The following CNTN5 variants were observed in gnomAD, a reference collection of about 807,000 sequenced individuals.
CNTN5 encodes the protein contactin 5.
A neutral mutation model predicts 129.1 loss-of-function variants in CNTN5; 77 were observed. The observed-to-expected ratio is 0.60, with a 90% CI of 0.50 to 0.72. CNTN5 has a LOEUF of 0.72. CNTN5 is among the 30% of genes least tolerant of loss of function. The probability of loss-of-function intolerance (pLI) is 0.00; values close to 1 mark genes in which losing one functional copy is unlikely to be tolerated. For missense variants in CNTN5, 1,478 were observed against 1,328.8 expected (o/e 1.11, Z -1.75); for synonymous variants, 509 against 465.6 (o/e 1.09, Z -1.20).
intron 3 of CNTN5, among the ~76,000 whole-genome samples, chr11:99,664,450 C>G (rs752849306): frequency 1.3e-5 from 2 of 152,072 alleles, no homozygotes; most frequent in Non-Finnish European, 2.9e-5. Flanking sequence ...GCTTTAGGGG[C>G]AAGGGTGCAA....
intron 2 of CNTN5, among the ~76,000 whole-genome samples, chr11:99,350,429 C>T (rs1467220625): frequency 6.6e-6 from 1 of 152,064 alleles, no homozygotes; most frequent in Non-Finnish European, 1.5e-5. Flanking sequence ...TATAGATATG[C>T]ACTGTGAACC....
At chr11:99,416,729 G>C (rs1335236355) in intron 2 of CNTN5, among the ~76,000 whole-genome samples, 3 of 152,264 alleles carry the variant, frequency 2.0e-5, no homozygotes, top group South Asian at 4.1e-4. Flanking sequence ...AACAGAGAAG[G>C]GGCTGTCTGC....
chr11:100,079,704 G>A (rs1944285750), intron 13 of CNTN5, among the ~76,000 whole-genome samples: 1 of 151,664 alleles, frequency 6.6e-6, no homozygotes, highest in Admixed American at 6.6e-5. Context: ...TTTCACTTTT[G>A]AAGATTACTG....
At chr11:99,756,835 G>A (rs1451162189) in intron 3 of CNTN5, among the ~76,000 whole-genome samples, 1 of 151,298 alleles carries the variant, frequency 6.6e-6, no homozygotes, top group African/African-American at 2.4e-5. Flanking sequence ...TTTAAGCCAT[G>A]TATTATATAA....
intron 3 of CNTN5, among the ~76,000 whole-genome samples, chr11:99,743,989 T>G (rs985365984): frequency 6.6e-6 from 1 of 152,092 alleles, no homozygotes; most frequent in Non-Finnish European, 1.5e-5. Flanking sequence ...ACCCTGACTT[T>G]TGTACCCCCA....
chr11:99,938,847 A>C (rs1374509208), intron 7 of CNTN5, among the ~76,000 whole-genome samples: 1 of 152,138 alleles, frequency 6.6e-6, no homozygotes, highest in African/African-American at 2.4e-5. Flanking sequence ...AGTCTAGGTG[A>C]TAGAAATAAT....
chr11:99,682,467 A>T (rs907588595), intron 3 of CNTN5, among the ~76,000 whole-genome samples: 17 of 152,004 alleles, frequency 1.1e-4, no homozygotes, highest in African/African-American at 3.1e-4. Flanking sequence ...TAAACTATAA[A>T]TACAAAAATA....
intron 2 of CNTN5, among the ~76,000 whole-genome samples, chr11:99,529,700 A>T (rs1485769353): frequency 1.3e-5 from 2 of 152,204 alleles, no homozygotes; most frequent in Non-Finnish European, 2.9e-5. Flanking sequence ...GAAATGCAAG[A>T]ACTCAGGTGA....
chr11:99,572,420 A>T (rs1199332569), intron 3 of CNTN5, among the ~76,000 whole-genome samples: 1 of 152,246 alleles, frequency 6.6e-6, no homozygotes, highest in Non-Finnish European at 1.5e-5. Context: ...CTGAAAGAAC[A>T]AACCGGTAGA....
chr11:99,844,625 A>G, intron 4 of CNTN5: 1 of 510,720 alleles, frequency 2.0e-6, no homozygotes, highest in South Asian at 2.0e-5. Context: ...TTTGTTTTTT[A>G]TGTATTACAC....
intron 6 of CNTN5, among the ~76,000 whole-genome samples, chr11:99,907,321 A>G (rs141117562): frequency 2.6e-5 from 4 of 152,014 alleles, no homozygotes; most frequent in Non-Finnish European, 4.4e-5. Flanking sequence ...GAATTCATAC[A>G]ATATAGAAGA....
chr11:99,737,149 A>G (rs1943737813), intron 3 of CNTN5, among the ~76,000 whole-genome samples: 1 of 149,940 alleles, frequency 6.7e-6, no homozygotes, highest in Admixed American at 6.6e-5. Flanking sequence ...ACACAAACAC[A>G]CACACACACA....
At position 99,523,047 on chromosome 11, in the gene CNTN5, C is replaced by T. The variant is rs145058647; in HGVS notation, c.-70-33098C>T. On this transcript the variant is annotated intron_variant, in intron 2 of 24. Transcript: ENST00000524871. The stretch of plus-strand genomic sequence containing the variant: ...GTTTATTATTATTTCACATTATGTT[C>T]CAGCAATACCAAGCCATAGGCAATT... Among the ~76,000 whole-genome samples the T allele has an allele frequency of 8.1e-4, 124 of 152,268 alleles. 1 individual carries two copies. Among genetic ancestry groups the T allele is most frequent in the African/African-American group, 3.0e-3 (124 of 41,554 alleles).
intron 1 of CNTN5, among the ~76,000 whole-genome samples, chr11:99,272,650 G>A (rs988951841): frequency 1.3e-4 from 19 of 151,376 alleles, no homozygotes; most frequent in Admixed American, 4.6e-4. Context: ...TGGGAACTAT[G>A]GTGAAATGCA....
intron 8 of CNTN5, among the ~76,000 whole-genome samples, chr11:99,967,497 G>A (rs950249385): frequency 1.1e-4 from 16 of 152,104 alleles, no homozygotes; most frequent in Admixed American, 3.3e-4. Flanking sequence ...CTGTAACCGC[G>A]CACTCTGGGA....
intron 3 of CNTN5, among the ~76,000 whole-genome samples, chr11:99,645,403 G>T (rs1373154489): frequency 1.3e-5 from 2 of 151,912 alleles, no homozygotes; most frequent in African/African-American, 4.8e-5. Context: ...GGATTGCTGG[G>T]TCAGATGGTA....
chr11:100,290,080 C>G (rs1950921201), intron 18 of CNTN5, among the ~76,000 whole-genome samples: 1 of 150,636 alleles, frequency 6.6e-6, no homozygotes, highest in Non-Finnish European at 1.5e-5. Context: ...AGGAGAACTA[C>G]AAACCACTGC....
At chr11:99,989,551 A>C (rs1407248537) in intron 8 of CNTN5, among the ~76,000 whole-genome samples, 1 of 152,116 alleles carries the variant, frequency 6.6e-6, no homozygotes, top group Non-Finnish European at 1.5e-5. Flanking sequence ...AATTAACCTT[A>C]AATTGTAAAA....
At chr11:99,697,401 C>T (rs1370064201) in intron 3 of CNTN5, among the ~76,000 whole-genome samples, 2 of 151,478 alleles carry the variant, frequency 1.3e-5, no homozygotes, top group Non-Finnish European at 3.0e-5. Flanking sequence ...ATACTATGTA[C>T]GCCTAATATG....
Sources: gnomAD v4.1 joint callset for allele counts (sites outside exome capture counted in the v4.1 genomes callset) on GRCh38, gnomAD v4.1.1 for gene constraint, MANE v1.5 for transcripts, NCBI Gene and HGNC (gene_info 2026-07-23, HGNC 2026-07-21) for gene names.